Variants in USP34 observed in about 807,000 individuals in gnomAD.
The protein encoded by USP34 is ubiquitin carboxyl-terminal hydrolase 34.
In USP34, 70 loss-of-function variants were observed where a neutral mutation model predicts 460.3. The ratio of observed to expected loss-of-function variants is 0.15; its 90% CI spans 0.13 to 0.19. The LOEUF is 0.19. Ranked by LOEUF, USP34 falls within the 10% of genes least tolerant of loss-of-function variation. The pLI, the probability that USP34 is intolerant of heterozygous loss-of-function variation, is 1.00. For synonymous variants in USP34, 1,647 were observed against 1,405.3 expected, an observed-to-expected ratio of 1.17 and a Z score of -3.85; for missense variants, 3,985 against 4,236.2, an observed-to-expected ratio of 0.94 and a Z score of 1.65.
Position 61,295,047 on chromosome 2 carries a change from A to G in USP34, c.4378-15T>C. On this transcript the variant is annotated splice_polypyrimidine_tract_variant and intron_variant, in intron 31 of 79. Transcript: ENST00000398571. Reference sequence around the variant, plus strand: ...CTGTAACTTCCCTATGAGAAAGGCAAAAAAAGTAAGGCAGAATGGCGGAAG... The same window carrying G: ...CTGTAACTTCCCTATGAGAAAGGCAGAAAAAGTAAGGCAGAATGGCGGAAG... 6.2e-7 allele frequency: 1 copy of G among 1,608,930 alleles called. No individual in the cohort carries two copies. Among genetic ancestry groups the G allele is most frequent in the East Asian group, 2.2e-5 (1 of 44,750 alleles).
At chr2:61,296,669 T>G (rs1015572367) in intron 30 of USP34, 131 bp downstream of exon 30, 11 of 892,808 alleles carry the variant, frequency 1.2e-5, no homozygotes. Flanking sequence ...GTGGCACTTT[T>G]TACCTACTAT....
intron 1 of USP34, among the ~76,000 whole-genome samples, chr2:61,453,714 CAAAAA>C (rs1169951643): frequency 1.3e-4 from 4 of 31,934 alleles, no homozygotes; most frequent in African/African-American, 2.7e-4. Flanking sequence ...CATTCCATCT[CAAAAA>C]AAAAAAAAAA....
chr2:61,266,113 G>T lies in USP34; in HGVS notation c.5488C>A (p.Arg1830=). 6.2e-7 allele frequency: 1 copy of T among 1,613,660 alleles called. No homozygotes were observed. Among genetic ancestry groups the T allele is most frequent in the South Asian group, 1.1e-5 (1 of 91,046 alleles). ...LLFLLPSLKD[R]QQPKCKSHSS... ...TGTGATTTGCACTTTGGCTGTTGTC[G>T]GTCCTTTAGACTTGGCAACAAAAAC... is the stretch of plus-strand genomic sequence containing the variant. The change falls in exon 42 of 80, where the codon CGA becomes AGA. Residue 1830 remains arginine (R), a synonymous_variant. Transcript: ENST00000398571.
intron 68 of USP34, among the ~76,000 whole-genome samples, chr2:61,212,207 T>C (rs1687289450): frequency 6.6e-6 from 1 of 152,168 alleles, no homozygotes; most frequent in Admixed American, 6.5e-5. Flanking sequence ...ACTCTGTCTC[T>C]ACTAAAATAC....
chr2:61,446,588 G>A (rs1695123906), intron 1 of USP34, among the ~76,000 whole-genome samples: 1 of 152,022 alleles, frequency 6.6e-6, no homozygotes, highest in Non-Finnish European at 1.5e-5. Context: ...TTAAAGTCAG[G>A]AGCTCGAGAC....
In USP34 at chr2:61,399,874, CAAA is replaced by C. The variant is rs529141667; in HGVS notation, c.553-4644_553-4642del. The stretch of plus-strand genomic sequence containing the variant: ...GGCAACAGTGCGAGACACTGTCTCC[CAAA>C]AAAAAAAAAAAAAAGCTGTATTAAC... On this transcript the variant is annotated intron_variant, in intron 3 of 79. Coordinates refer to ENST00000398571, the MANE Select transcript of USP34 (RefSeq NM_014709.4). 3.6e-4 allele frequency among the ~76,000 whole-genome samples: 25 copies of C among 69,996 alleles called. 3 individuals carry two copies. In the South Asian group the frequency reaches 0.017, roughly 47 times the overall value. The allele number at this position is 69,996 out of a possible 152,430, so 45.9% of individuals were successfully genotyped here.
chr2:61,292,404 T>C (rs1336479302), intron 33 of USP34, among the ~76,000 whole-genome samples: 4 of 152,174 alleles, frequency 2.6e-5, no homozygotes, highest in South Asian at 2.1e-4. Flanking sequence ...AAGCCACATA[T>C]TGGCAATAAA....
In USP34 at chr2:61,220,151, T is replaced by TAA. The variant is rs60784334; in HGVS notation, c.8047+157_8047+158dup. On this transcript the variant is annotated intron_variant, in intron 67 of 79. Coordinates refer to ENST00000398571, the MANE Select transcript of USP34 (RefSeq NM_014709.4). ...CAAGAAATAACATGGTTTCCTATCC[T>TAA]AAAAAAAAAAAAAAAAAAAAAAAAA... 1,155 of 169,156 alleles carry TAA rather than the reference T, an allele frequency of 6.8e-3. 12 individuals are homozygous for TAA. The highest frequency in any genetic ancestry group is 0.018 in the African/African-American group (486 of 26,510). The allele number at this position is 169,156 out of a possible 1,614,324, so 10.5% of individuals were successfully genotyped here.
intron 43 of USP34, 51 bp downstream of exon 43, chr2:61,265,346 A>G (rs1481242857): frequency 6.5e-7 from 1 of 1,549,414 alleles, no homozygotes; most frequent in East Asian, 2.3e-5. Flanking sequence ...TATCAACAAA[A>G]TATTAAAATC....
Position 61,287,624 on chromosome 2 carries a change from C to T in USP34, c.4749+1053G>A, listed in dbSNP as rs183139875. ...GAAGACCTTTATGATGACCCATTTCCACTTGAAGAACAGTAAATATATTTT... is the reference window on the plus strand; with the variant it reads ...GAAGACCTTTATGATGACCCATTTCTACTTGAAGAACAGTAAATATATTTT... On this transcript the variant is annotated intron_variant, in intron 34 of 79. Transcript: ENST00000398571. Among the ~76,000 whole-genome samples the T allele has an allele frequency of 5.7e-3, 874 of 152,232 alleles. 4 individuals are homozygous for T. The highest frequency in any genetic ancestry group is 8.0e-3 in the Non-Finnish European group (545 of 68,014).
At chr2:61,438,387 C>A (rs187713300) in intron 1 of USP34, among the ~76,000 whole-genome samples, 8 of 151,948 alleles carry the variant, frequency 5.3e-5, no homozygotes, top group African/African-American at 1.7e-4. Flanking sequence ...CCAAGGCAGG[C>A]GGATCACTTG....
At chr2:61,393,421 A>T (rs1693414075) in intron 5 of USP34, among the ~76,000 whole-genome samples, 1 of 131,146 alleles carries the variant, frequency 7.6e-6, no homozygotes, top group Non-Finnish European at 1.6e-5. Context: ...ACAGAGCCAG[A>T]CTCCGTCTAA....
chr2:61,447,316 A>T (rs1695150329), intron 1 of USP34, among the ~76,000 whole-genome samples: 1 of 151,396 alleles, frequency 6.6e-6, no homozygotes, highest in Non-Finnish European at 1.5e-5. Flanking sequence ...TGATCTCATC[A>T]GAAAAATCTG....
At chr2:61,362,940 GA>G (rs1245895474) in intron 10 of USP34, among the ~76,000 whole-genome samples, 3 of 152,042 alleles carry the variant, frequency 2.0e-5, no homozygotes, top group Non-Finnish European at 2.9e-5. Context: ...CAGACTTAGA[GA>G]AATTATATGC....
At chr2:61,206,935 T>C in intron 70 of USP34, 49 bp from the exon 71 acceptor site, 1 of 1,588,346 alleles carries the variant, frequency 6.3e-7, no homozygotes, top group Non-Finnish European at 8.6e-7. Context: ...TTTTGCTTAC[T>C]GAGCCACAAA....
chr2:61,315,039 A>G lies in USP34; in HGVS notation c.3283-65T>C, dbSNP rs1690700315. 4 of 1,196,082 alleles carry G rather than the reference A, an allele frequency of 3.3e-6. No homozygotes were observed. In the South Asian group the frequency reaches 5.9e-5, roughly 18 times the overall value. 74.1% of individuals were successfully genotyped at this position (1,196,082 alleles called of 1,614,324 possible). On this transcript the variant is annotated intron_variant, in intron 23 of 79. Coordinates refer to ENST00000398571, the MANE Select transcript of USP34 (RefSeq NM_014709.4). Reference sequence around the variant, plus strand: ...CAAACTATGTAACTCATTAAGACTGAAGTATCAAAAGTAAAAATCATAGGC... The same window carrying G: ...CAAACTATGTAACTCATTAAGACTGGAGTATCAAAAGTAAAAATCATAGGC...
At chr2:61,310,185 C>G (rs1287188496) in intron 27 of USP34, among the ~76,000 whole-genome samples, 1 of 152,146 alleles carries the variant, frequency 6.6e-6, no homozygotes, top group African/African-American at 2.4e-5. Flanking sequence ...TTTTCATACA[C>G]TCTACGCACA....
At chr2:61,336,752 G>A (rs940028205) in intron 18 of USP34, among the ~76,000 whole-genome samples, 3 of 137,148 alleles carry the variant, frequency 2.2e-5, no homozygotes, top group East Asian at 2.3e-4. Context: ...AGAGGCTGTC[G>A]TCAGCCAAGA....
At position 61,188,571 on chromosome 2, in the gene USP34, C is replaced by T. The variant is rs1331683352; in HGVS notation, c.10172G>A (p.Arg3391Lys). The T allele has an allele frequency of 1.2e-6, 2 of 1,614,184 alleles. No homozygotes were observed. The highest frequency in any genetic ancestry group is 2.2e-5 in the South Asian group (2 of 91,086). The change falls in exon 80 of 80, where the codon AGA becomes AAA. Residue 3391 changes from arginine to lysine, a missense_variant. By Grantham distance (26) the Arg-to-Lys change is conservative. Around this residue, in one of 14 missense-constraint regions of USP34, gnomAD observed 506 missense variants for 439.0 expected, o/e 1.15. Transcript: ENST00000398571. ...TCCTGGATCAATAATTGAGGAGTCT[C>T]TGGTCTCATTGTCAGAAGTGCTCGT... ...TPTSTSDNET[R>K]DSSIIDPGTE...
Sources: allele counts gnomAD v4.1 joint callset (sites outside exome capture counted in the v4.1 genomes callset), GRCh38; gene constraint gnomAD v4.1.1; regional missense constraint gnomAD v4.1.1; transcripts MANE v1.5; gene names NCBI Gene and HGNC (gene_info 2026-07-23, HGNC 2026-07-21).